RGS7: variants seen among roughly 807,000 people sequenced by gnomAD.
RGS7 encodes the protein regulator of G protein signaling 7.
Under a neutral mutation model 81.1 loss-of-function variants are expected in RGS7, and 27 were observed. The observed-to-expected ratio is 0.33, with a 90% CI of 0.25 to 0.46. The LOEUF (loss-of-function observed/expected upper bound fraction) is 0.46, where lower values mean the gene tolerates loss of function less well. Ranked by LOEUF, RGS7 falls within the 20% of genes least tolerant of loss-of-function variation. The pLI is 1.00. For missense variants in RGS7, 396 were observed against 607.4 expected (o/e 0.65, Z 3.66); for synonymous variants, 208 against 207.7 (o/e 1.00, Z -0.01).
chr1:241,341,329 T>TA (rs2082532663), intron 2 of RGS7, among the ~76,000 whole-genome samples: 1 of 152,292 alleles, frequency 6.6e-6, no homozygotes, highest in African/African-American at 2.4e-5. Context: ...TTAGCCTCCA[T>TA]AAAAATCATC....
chr1:241,050,724 A>G (rs2061203421), intron 3 of RGS7, among the ~76,000 whole-genome samples: 1 of 152,158 alleles, frequency 6.6e-6, no homozygotes, highest in Non-Finnish European at 1.5e-5. Context: ...CAACATGAAA[A>G]TGAAAAGGAT....
At chr1:241,350,986 C>T (rs1333831569) in intron 2 of RGS7, among the ~76,000 whole-genome samples, 1 of 152,156 alleles carries the variant, frequency 6.6e-6, no homozygotes, top group Non-Finnish European at 1.5e-5. Flanking sequence ...TCTCATAAAA[C>T]AGGCTGACTT....
At chr1:241,112,536 G>A (rs983756124) in intron 2 of RGS7, among the ~76,000 whole-genome samples, 2 of 152,192 alleles carry the variant, frequency 1.3e-5, no homozygotes, top group Admixed American at 6.5e-5. Context: ...TTTATTTCAG[G>A]TGTACACACT....
chr1:241,356,662 G>A (rs2083594005), intron 1 of RGS7, among the ~76,000 whole-genome samples: 1 of 151,936 alleles, frequency 6.6e-6, no homozygotes, highest in Non-Finnish European at 1.5e-5. Flanking sequence ...AGCAGCAAAT[G>A]GCAGGCGAGC....
intron 2 of RGS7, among the ~76,000 whole-genome samples, chr1:241,100,484 C>T (rs1474409799): frequency 1.3e-5 from 2 of 151,238 alleles, no homozygotes; most frequent in Non-Finnish European, 2.9e-5. Context: ...GTTGTAATCA[C>T]ACTATGAACA....
intron 2 of RGS7, among the ~76,000 whole-genome samples, chr1:241,165,890 G>A (rs2103228654): frequency 6.6e-6 from 1 of 151,934 alleles, no homozygotes; most frequent in Non-Finnish European, 1.5e-5. Context: ...CTCAAAATTT[G>A]GCCCCCAGAT....
At chr1:241,035,890 AT>A (rs1156257071) in intron 3 of RGS7, among the ~76,000 whole-genome samples, 3 of 152,220 alleles carry the variant, frequency 2.0e-5, no homozygotes. Flanking sequence ...ACTTCGTTGA[AT>A]TATCTTCCCT....
intron 2 of RGS7, among the ~76,000 whole-genome samples, chr1:241,296,319 A>G (rs996702368): frequency 6.6e-6 from 1 of 152,220 alleles, no homozygotes; most frequent in African/African-American, 2.4e-5. Flanking sequence ...GCATATTTCA[A>G]CACTGCAGAG....
In RGS7 at chr1:240,806,230, G is replaced by A. The variant is rs148119837; in HGVS notation, c.1179C>T (p.Ala393=). The change falls in exon 15 of 19, where the codon GCC becomes GCT. Residue 393 remains alanine, a synonymous_variant. Coordinates refer to ENST00000440928, the MANE Select transcript of RGS7 (RefSeq NM_001364886.1). ...EIWQEFLAPG[A]PSAINLDSKS... Reference sequence around the variant, plus strand: ...TGGAATCCAAGTTAATAGCACTGGGGGCTCCGGGAGCCAGAAACTCTTGCC... The same window carrying A: ...TGGAATCCAAGTTAATAGCACTGGGAGCTCCGGGAGCCAGAAACTCTTGCC... The A allele has an allele frequency of 1.9e-6, 3 of 1,613,974 alleles. No homozygotes were observed.
At chr1:241,076,626 T>A (rs953094023) in intron 3 of RGS7, among the ~76,000 whole-genome samples, 4 of 152,202 alleles carry the variant, frequency 2.6e-5, no homozygotes, top group African/African-American at 9.6e-5. Flanking sequence ...CTAGTGATCT[T>A]TGGACTTAAT....
chr1:240,895,998 T>A (rs1669030361), intron 6 of RGS7, among the ~76,000 whole-genome samples: 1 of 152,126 alleles, frequency 6.6e-6, no homozygotes, highest in Admixed American at 6.5e-5. Context: ...TATGAGATGG[T>A]ATGTCATTAT....
chr1:240,897,962 C>T (rs1185334956), intron 6 of RGS7, among the ~76,000 whole-genome samples: 4 of 152,082 alleles, frequency 2.6e-5, no homozygotes, highest in Non-Finnish European at 4.4e-5. Context: ...ATTTCAAAGC[C>T]TGTTATTGGT....
chr1:240,842,753 TC>T (rs1658312993), intron 9 of RGS7, among the ~76,000 whole-genome samples: 1 of 147,546 alleles, frequency 6.8e-6, no homozygotes, highest in Non-Finnish European at 1.5e-5. Flanking sequence ...CTTTCTTTCT[TC>T]CTTCCTTCCT....
intron 4 of RGS7, among the ~76,000 whole-genome samples, chr1:240,943,531 A>C (rs1677958709): frequency 6.6e-6 from 1 of 152,210 alleles, no homozygotes; most frequent in South Asian, 2.1e-4. Flanking sequence ...GGCGATGGGA[A>C]ACATTAGTAG....
intron 2 of RGS7, among the ~76,000 whole-genome samples, chr1:241,107,339 C>G (rs2065186823): frequency 6.6e-6 from 1 of 152,186 alleles, no homozygotes; most frequent in African/African-American, 2.4e-5. Context: ...AAAAATGTGA[C>G]TATATGGCCT....
chr1:241,108,664 T>C (rs530134960), intron 2 of RGS7, among the ~76,000 whole-genome samples: 21 of 152,262 alleles, frequency 1.4e-4, no homozygotes, highest in Admixed American at 1.2e-3. Flanking sequence ...CTGAACTATT[T>C]GGGAAAGACT....
intron 4 of RGS7, among the ~76,000 whole-genome samples, chr1:240,955,551 CAAAAAA>C (rs369155474): frequency 1.1e-3 from 153 of 140,100 alleles, no homozygotes; most frequent in African/African-American, 3.9e-3. Flanking sequence ...GACTCTGTCT[CAAAAAA>C]AAAAAAAAAA....
chr1:240,985,395 C>CT (rs1003608213), intron 3 of RGS7, among the ~76,000 whole-genome samples: 65 of 152,228 alleles, frequency 4.3e-4, no homozygotes, highest in African/African-American at 1.5e-3. Flanking sequence ...CTCTTAGAGA[C>CT]TAAGTTTTTA....
chr1:241,040,565 G>A (rs983324476), intron 3 of RGS7, among the ~76,000 whole-genome samples: 2 of 151,768 alleles, frequency 1.3e-5, no homozygotes, highest in Non-Finnish European at 2.9e-5. Context: ...GCAGTGGCGC[G>A]ATCTCGGCTC....
Sources: allele counts gnomAD v4.1 joint callset (sites outside exome capture counted in the v4.1 genomes callset), GRCh38; gene constraint gnomAD v4.1.1; transcripts MANE v1.5; gene names NCBI Gene and HGNC (gene_info 2026-07-23, HGNC 2026-07-21).